Variants in CCDC33 observed in about 807,000 individuals in gnomAD.
The protein encoded by CCDC33 is coiled-coil domain-containing protein 33.
A neutral mutation model predicts 91.9 loss-of-function variants in CCDC33; 94 were observed. The ratio of observed to expected loss-of-function variants is 1.02; its 90% CI spans 0.87 to 1.21. CCDC33 has a LOEUF of 1.21. CCDC33 is among the 50% of genes most tolerant of loss of function. CCDC33 has a pLI of 0.00. For missense variants in CCDC33, 940 were observed against 935.5 expected, an observed-to-expected ratio of 1.00 and a Z score of -0.06; for synonymous variants, 396 against 374.5, an observed-to-expected ratio of 1.06 and a Z score of -0.66.
intron 15 of CCDC33, among the ~76,000 whole-genome samples, chr15:74,332,441 G>A (rs1273486721): frequency 6.6e-6 from 1 of 152,186 alleles, no homozygotes; most frequent in Non-Finnish European, 1.5e-5. Flanking sequence ...AGAGAGAGGT[G>A]AGGAGCTGAA....
At chr15:74,250,531 C>T (rs1419418201) in intron 2 of CCDC33, among the ~76,000 whole-genome samples, 3 of 152,214 alleles carry the variant, frequency 2.0e-5, no homozygotes, top group Non-Finnish European at 2.9e-5. Context: ...CACTGATCTC[C>T]CAGATGAGGC....
chr15:74,281,705 T>C (rs2142502160), intron 9 of CCDC33, 73 bp from the exon 10 acceptor site: 1 of 1,347,740 alleles, frequency 7.4e-7, no homozygotes, highest in South Asian at 1.2e-5. Flanking sequence ...CAGAGAAATC[T>C]AGAACAGTAG....
intron 2 of CCDC33, among the ~76,000 whole-genome samples, chr15:74,228,948 G>A (rs1270028221): frequency 6.6e-6 from 1 of 152,208 alleles, no homozygotes; most frequent in African/African-American, 2.4e-5. Context: ...AATCTGAGAG[G>A]GAGGGAGCCC....
intron 2 of CCDC33, among the ~76,000 whole-genome samples, chr15:74,222,534 CTT>C (rs57322793): frequency 7.6e-5 from 11 of 144,030 alleles, no homozygotes; most frequent in East Asian, 2.1e-4. Context: ...TTTTTCTTTT[CTT>C]TTTTTTTTTA....
chr15:74,296,857 T>A (rs772130847), intron 11 of CCDC33, among the ~76,000 whole-genome samples: 1 of 151,996 alleles, frequency 6.6e-6, no homozygotes, highest in African/African-American at 2.4e-5. Context: ...TCCAGGGAGG[T>A]GCTACCCAGT....
intron 11 of CCDC33, among the ~76,000 whole-genome samples, chr15:74,305,887 A>G (rs1596078443): frequency 1.3e-5 from 2 of 151,422 alleles, no homozygotes; most frequent in Admixed American, 1.3e-4. Context: ...AAATCACTCA[A>G]CCTCTCTGAT....
chr15:74,314,617 C>A (rs1254471647), intron 11 of CCDC33, among the ~76,000 whole-genome samples: 1 of 152,232 alleles, frequency 6.6e-6, no homozygotes, highest in East Asian at 1.9e-4. Flanking sequence ...CCCAGGGCCC[C>A]TCTGTGAACA....
rs568777551 is a variant in CCDC33 at position 74,272,934 on chromosome 15, C to G, written c.759+43C>G. The stretch of plus-strand genomic sequence containing the variant: ...TGGTTCCAGCTTCCTGTAACTACCC[C>G]ACACATTCACTGTTCACTCACTCAG... On this transcript the variant is annotated intron_variant, in intron 7 of 18. Coordinates refer to ENST00000398814, the MANE Select transcript of CCDC33 (RefSeq NM_025055.5). 3.7e-6 allele frequency: 6 copies of G among 1,611,294 alleles called. No individual in the cohort carries two copies. The African/African-American group carries it at 4.0e-5, about 11-fold the overall frequency.
At chr15:74,257,949 G>A (rs2075917269) in intron 2 of CCDC33, among the ~76,000 whole-genome samples, 1 of 152,208 alleles carries the variant, frequency 6.6e-6, no homozygotes, top group Non-Finnish European at 1.5e-5. Flanking sequence ...GGAGGATGGG[G>A]GAGGCAGGCC....
Position 74,268,474 on chromosome 15 carries a change from C to A in CCDC33, c.546+16C>A, listed in dbSNP as rs781234610. On this transcript the variant is annotated intron_variant, in intron 5 of 18. Coordinates refer to ENST00000398814, the MANE Select transcript of CCDC33 (RefSeq NM_025055.5). ...GGCTCTGGAGGTACCAGGGCTGGGG[C>A]CCTCTGGGGTGGTGGTGGGGGTGGG... The A allele has an allele frequency of 1.1e-5, 17 of 1,571,274 alleles. No individual in the cohort carries two copies. The highest frequency in any genetic ancestry group is 1.5e-5 in the Non-Finnish European group (17 of 1,146,582).
At chr15:74,317,325 T>C (rs2060106894) in intron 11 of CCDC33, among the ~76,000 whole-genome samples, 1 of 152,110 alleles carries the variant, frequency 6.6e-6, no homozygotes, top group Non-Finnish European at 1.5e-5. Flanking sequence ...CGCGCCACTG[T>C]ACTCCAGCCT....
exon 1 of CCDC33, chr15:74,203,024 G>T (rs897511697): frequency 1.0e-6 from 1 of 985,808 alleles, no homozygotes; most frequent in African/African-American, 1.7e-5. Flanking sequence ...GCCTGCCCCA[G>T]AGCTCCCAAG....
At chr15:74,317,843 T>C (rs562797493) in intron 11 of CCDC33, among the ~76,000 whole-genome samples, 22 of 150,136 alleles carry the variant, frequency 1.5e-4, no homozygotes, top group African/African-American at 5.1e-4. Context: ...TCTGCCTTCA[T>C]GACCAGGGCC....
At chr15:74,263,376 G>T (rs2076079435) in intron 3 of CCDC33, among the ~76,000 whole-genome samples, 1 of 152,170 alleles carries the variant, frequency 6.6e-6, no homozygotes, top group South Asian at 2.1e-4. Flanking sequence ...CTTCTTGCAG[G>T]TGGTCTCTCC....
At chr15:74,227,567 G>C (rs2074842975) in intron 2 of CCDC33, among the ~76,000 whole-genome samples, 1 of 152,184 alleles carries the variant, frequency 6.6e-6, no homozygotes. Context: ...AGTTGGGGCT[G>C]TCAGTGGCTC....
chr15:74,321,603 G>T (rs1299014531), intron 11 of CCDC33, among the ~76,000 whole-genome samples: 1 of 152,090 alleles, frequency 6.6e-6, no homozygotes, highest in Admixed American at 6.6e-5. Context: ...GTTTCACTGT[G>T]TTGGCTAGGC....
chr15:74,299,833 C>T (rs2059757910), intron 11 of CCDC33: 2 of 152,426 alleles, frequency 1.3e-5, no homozygotes, highest in African/African-American at 4.8e-5. Context: ...GGTCTCCCAA[C>T]TCATCATTTC....
Position 74,207,745 on chromosome 15 carries a change from G to A in CCDC33, n.90-1643G>A, listed in dbSNP as rs2074293538. 5.2e-6 allele frequency: 8 copies of A among 1,535,756 alleles called. No individual in the cohort carries two copies. In the East Asian group the frequency reaches 2.0e-4, roughly 38 times the overall value. On this transcript the variant is annotated intron_variant and non_coding_transcript_variant, in intron 1 of 3. Transcript: ENST00000558645. The stretch of plus-strand genomic sequence containing the variant: ...AGTCCATGAATAAGCAGCCGAGAGA[G>A]TCAACCTCATGCGGGCCCGTGAGCT...
At chr15:74,225,530 T>TA (rs988409961) in intron 2 of CCDC33, among the ~76,000 whole-genome samples, 1 of 148,540 alleles carries the variant, frequency 6.7e-6, no homozygotes, top group African/African-American at 2.5e-5. Flanking sequence ...GAGACCCCCC[T>TA]ACCCTCCACC....
Sources: gnomAD v4.1 joint callset for allele counts (sites outside exome capture counted in the v4.1 genomes callset) on GRCh38, gnomAD v4.1.1 for gene constraint, MANE v1.5 for transcripts, NCBI Gene and HGNC (gene_info 2026-07-23, HGNC 2026-07-21) for gene names.